Variants in AGRN observed in about 807,000 individuals in gnomAD.
AGRN encodes the protein agrin, also known as agrin proteoglycan.
AGRN carries 106 observed loss-of-function variants against 211.0 expected under a neutral mutation model. That is an observed-to-expected ratio of 0.50 (90% CI 0.43 to 0.59). AGRN has a LOEUF of 0.59. Among genes scored for constraint, AGRN ranks in the 20% least tolerant of loss-of-function variants. The probability of loss-of-function intolerance (pLI) is 0.00; values close to 1 mark genes in which losing one functional copy is unlikely to be tolerated. For missense variants in AGRN, 3,040 were observed against 2,982.6 expected (o/e 1.02, Z -0.45); for synonymous variants, 1,525 against 1,332.5 (o/e 1.14, Z -3.15).
Position 1,051,434 on chromosome 1 carries a change from C to A in AGRN, c.5371-19C>A. On this transcript the variant is annotated intron_variant, in intron 31 of 35. Transcript: ENST00000379370. ...GGGCGGGGTGGCAGGCGGGACAAGG[C>A]CCTCACCCTGCCCTGCAGGTCTCCC... 6.5e-7 allele frequency: 1 copy of A among 1,545,626 alleles called. No individual in the cohort carries two copies. The highest frequency in any genetic ancestry group is 8.7e-7 in the Non-Finnish European group (1 of 1,150,280).
intron 29 of AGRN, 25 bp from the exon 30 acceptor site, chr1:1,050,701 C>CA (rs751515418): frequency 3.1e-6 from 5 of 1,599,966 alleles, no homozygotes; most frequent in African/African-American, 1.3e-5. Flanking sequence ...GGACAGAGCC[C>CA]ACTCACGCTG....
intron 33 of AGRN, chr1:1,053,073 ACACATGCATGTGTGTAC>A (rs1645354591): frequency 1.4e-5 from 3 of 210,888 alleles, no homozygotes; most frequent in Admixed American, 5.4e-5. Flanking sequence ...GCGTGCATGC[ACACATGCATGTGTGTAC>A]TGGGGCATCC....
At position 1,047,900 on chromosome 1, in the gene AGRN, G is replaced by A. The variant is rs1645146905; in HGVS notation, c.3751+5G>A. On this transcript the variant is annotated splice_donor_5th_base_variant and intron_variant, in intron 22 of 35. Transcript: ENST00000379370. Reference sequence around the variant, plus strand: ...ACGTGCGATTTATGGACTTTGGTGAGCGCCAGGCCACGAGCCACAGCTTAC... The same window carrying A: ...ACGTGCGATTTATGGACTTTGGTGAACGCCAGGCCACGAGCCACAGCTTAC... 6.2e-7 allele frequency: 1 copy of A among 1,602,032 alleles called. No homozygotes were observed. Among genetic ancestry groups the A allele is most frequent in the South Asian group, 1.1e-5 (1 of 89,568 alleles).
At chr1:1,020,850 G>GGGA (rs975156049) in intron 1 of AGRN, among the ~76,000 whole-genome samples, 1 of 150,348 alleles carries the variant, frequency 6.7e-6, no homozygotes, top group Non-Finnish European at 1.5e-5. Flanking sequence ...AGTGGTGCGG[G>GGGA]GGGGGGGCGT....
rs1283292037 is a variant in AGRN, at chr1:1,049,018, C to T, written c.4257C>T (p.Asp1419=). 1.3e-6 allele frequency: 2 copies of T among 1,577,622 alleles called. No individual in the cohort carries two copies. The highest frequency in any genetic ancestry group is 1.7e-6 in the Non-Finnish European group (2 of 1,164,482). The stretch of plus-strand genomic sequence containing the variant: ...ACAATGGCAACGCCCGGGGCAAGGA[C>T]TTCCTGGCATTGGCGCTGCTAGATG... ...LLYNGNARGK[D]FLALALLDGR... is the part of the protein sequence containing the mutation. Residue 1419 remains aspartate (D), a synonymous_variant, in exon 24 of 36, where the codon GAC becomes GAT. Transcript: ENST00000379370.
In AGRN at chr1:1,050,825, G is replaced by T; in HGVS notation, c.5241G>T (p.Leu1747Phe). ...ALRVGDGPRV[L>F]GESPVPHTVL... is the part of the protein sequence containing the mutation. ...GTGTGGGCGACGGCCCCCGTGTGTTGGGGGAGTCCCCGGTGAGTGCTCTGG... is the reference window on the plus strand; with the variant it reads ...GTGTGGGCGACGGCCCCCGTGTGTTTGGGGAGTCCCCGGTGAGTGCTCTGG... Residue 1747 changes from leucine to phenylalanine, a missense_variant, in exon 30 of 36, where the codon TTG (leucine) becomes TTT (phenylalanine). Leu to Phe is a conservative substitution (Grantham distance 22). Around this residue, in one of 3 missense-constraint regions of AGRN, gnomAD observed 1,537 missense variants for 1,505.0 expected, o/e 1.02. Coordinates refer to ENST00000379370, the MANE Select transcript of AGRN (RefSeq NM_198576.4). 1 of 1,581,350 alleles carries T rather than the reference G, an allele frequency of 6.3e-7. No homozygotes were observed. The highest frequency in any genetic ancestry group is 1.3e-5 in the African/African-American group (1 of 74,592).
In AGRN at chr1:1,032,287, G is replaced by A. The variant is rs1197033376; in HGVS notation, c.464-2990G>A. ...GTAGAGATGTGGAGGCCTCCTGTCT[G>A]GGTGATGGGGCATGGTGCTGGTCCC... On this transcript the variant is annotated intron_variant, in intron 2 of 35. Coordinates refer to ENST00000379370, the MANE Select transcript of AGRN (RefSeq NM_198576.4). The surrounding 1 kb of genome is among the most constrained non-coding windows in gnomAD (Gnocchi z 4.7). 6.6e-6 allele frequency among the ~76,000 whole-genome samples: 1 copy of A among 152,188 alleles called. No homozygotes were observed. Among genetic ancestry groups the A allele is most frequent in the Non-Finnish European group, 1.5e-5 (1 of 68,028 alleles).
At chr1:1,049,201 G>C (rs556799309) in intron 24 of AGRN, 35 bp from the exon 25 acceptor site, 4 of 1,511,602 alleles carry the variant, frequency 2.6e-6, no homozygotes, top group South Asian at 1.3e-5. Flanking sequence ...GGACGGGGCC[G>C]GGCGATGGTC....
At position 1,047,880 on chromosome 1, in the gene AGRN, C is replaced by G. The variant is rs1319416801; in HGVS notation, c.3736C>G (p.Arg1246Gly). 1 of 1,605,316 alleles carries G rather than the reference C, an allele frequency of 6.2e-7. No homozygotes were observed. The highest frequency in any genetic ancestry group is 8.5e-7 in the Non-Finnish European group (1 of 1,177,026). ...GAGGCGGCCGCTGCAGGAGCACGTG[C>G]GATTTATGGACTTTGGTGAGCGCCA... is the stretch of plus-strand genomic sequence containing the variant. ...GVRRPLQEHV[R>G]FMDFDWFPAF... is the part of the protein sequence containing the mutation. Residue 1246 changes from arginine (R) to glycine (G), a missense_variant, in exon 22 of 36, where the codon CGA (arginine) becomes GGA (glycine). Arg to Gly is a moderately radical substitution (Grantham distance 125). Transcript: ENST00000379370.
chr1:1,040,937 G>A, intron 4 of AGRN, 57 bp downstream of exon 4: 1 of 1,271,602 alleles, frequency 7.9e-7, no homozygotes, highest in South Asian at 1.9e-5. Context: ...ATGAGATGGA[G>A]CGAGGCTGGG....
Position 1,048,595 on chromosome 1 carries a change from ACT to A in AGRN, c.4105+233_4105+234del, listed in dbSNP as rs1233127114. 8.5e-6 allele frequency: 5 copies of A among 589,038 alleles called. No individual in the cohort carries two copies. The highest frequency in any genetic ancestry group is 4.5e-5 in the South Asian group (2 of 44,686). The allele number at this position is 589,038 out of a possible 1,614,324, so 36.5% of individuals were successfully genotyped here. ...AGACCAGCCTGACCAACATGGAGAC[ACT>A]CTGTCTCTACTAAAAATACAAAATT... On this transcript the variant is annotated intron_variant, in intron 23 of 35. Transcript: ENST00000379370. The surrounding 1 kb of genome is among the most constrained non-coding windows in gnomAD (Gnocchi z 5.9).
intron 15 of AGRN, 23 bp from the exon 16 acceptor site, chr1:1,045,941 G>A (rs1445895214): frequency 6.2e-7 from 1 of 1,612,812 alleles, no homozygotes; most frequent in Admixed American, 1.7e-5. Flanking sequence ...GAGCCACAGA[G>A]GTTTCCCATG....
Position 1,046,027 on chromosome 1 carries a change from A to G in AGRN, c.2744A>G (p.Glu915Gly), listed in dbSNP as rs375560306. 5.0e-6 allele frequency: 8 copies of G among 1,613,810 alleles called. No homozygotes were observed. The African/African-American group carries it at 1.1e-4, about 22-fold the overall frequency. ...GAGTTCGGTGCGCGGTGCGTGGAGG[A>G]GTCTGGCTCAGCCCACTGTGTCTGC... The part of the protein sequence containing the change: ...RCEFGARCVE[E>G]SGSAHCVCPM... Residue 915 changes from glutamate (E) to glycine (G), a missense_variant, in exon 16 of 36, where the codon GAG becomes GGG. By Grantham distance (98) the Glu-to-Gly change is moderately conservative. Around this residue, in one of 3 missense-constraint regions of AGRN, gnomAD observed 1,498 missense variants for 1,457.8 expected, o/e 1.03. Transcript: ENST00000379370.
intron 22 of AGRN, 21 bp downstream of exon 22, chr1:1,047,916 C>A: frequency 6.2e-7 from 1 of 1,603,936 alleles, no homozygotes; most frequent in Non-Finnish European, 8.5e-7. Context: ...GGCCACGAGC[C>A]ACAGCTTACC....
Position 1,051,591 on chromosome 1 carries a change from GCTGC to G in AGRN, c.5512_5515del (p.Ala1838MetfsTer43). The G allele has an allele frequency of 6.2e-7, 1 of 1,603,306 alleles. No homozygotes were observed. Among genetic ancestry groups the G allele is most frequent in the Non-Finnish European group, 8.5e-7 (1 of 1,173,616 alleles). ...TGGGGCCTCCTGCGTCCCGAGGGAG[GCTGC>G]CTATGTGTGCCTGTGTCCCGGGGGA... On this transcript the variant is annotated frameshift_variant, in exon 32 of 36. Coordinates refer to ENST00000379370, the MANE Select transcript of AGRN (RefSeq NM_198576.4). LOFTEE classifies it high-confidence loss of function.
In AGRN at chr1:1,054,891, C is replaced by T. The variant is rs929573992; in HGVS notation, c.6048C>T (p.Cys2016=). The part of the protein sequence containing the change: ...PKAYGTGFVG[C]LRDVVVGRHP... ...CCTACGGCACAGGCTTTGTGGGCTG[C>T]TTGCGGGACGTGGTGGTGGGCCGGC... The change falls in exon 36 of 36, where the codon TGC becomes TGT. Residue 2016 remains cysteine (C), a synonymous_variant. Transcript: ENST00000379370. 3 of 1,552,494 alleles carry T rather than the reference C, an allele frequency of 1.9e-6. No homozygotes were observed. The highest frequency in any genetic ancestry group is 1.4e-5 in the African/African-American group (1 of 73,324).
chr1:1,051,619 G>C lies in AGRN; in HGVS notation c.5537G>C (p.Gly1846Ala). ...EAAYVCLCPG[G>A]FSGPHCEKGL... is the part of the protein sequence containing the mutation. ...GCCTATGTGTGCCTGTGTCCCGGGG[G>C]ATTCTCAGGACCGCACTGCGAGAAG... The change falls in exon 32 of 36, where the codon GGA becomes GCA. Residue 1846 changes from glycine (G) to alanine (A), a missense_variant. Transcript: ENST00000379370. 6.2e-7 allele frequency: 1 copy of C among 1,610,210 alleles called. No individual in the cohort carries two copies. Among genetic ancestry groups the C allele is most frequent in the Non-Finnish European group, 8.5e-7 (1 of 1,178,096 alleles).
intron 2 of AGRN, among the ~76,000 whole-genome samples, chr1:1,033,047 C>G (rs1234124285): frequency 6.6e-6 from 1 of 152,096 alleles, no homozygotes; most frequent in African/African-American, 2.4e-5. Flanking sequence ...CCCAGACCCC[C>G]ATTCCCCGCC....
rs376955547 is a variant in AGRN at position 1,029,939 on chromosome 1, ATG to A, written c.464-5325_464-5324del. ...GTGCATGGTGCTGTGTGAGATCAGCATGTGTGTGTGTGTGCAGCGCATGGTGC... is the reference window on the plus strand; with the variant it reads ...GTGCATGGTGCTGTGTGAGATCAGCATGTGTGTGTGTGCAGCGCATGGTGC... On this transcript the variant is annotated intron_variant, in intron 2 of 35. Coordinates refer to ENST00000379370, the MANE Select transcript of AGRN (RefSeq NM_198576.4). 1.7e-4 allele frequency among the ~76,000 whole-genome samples: 8 copies of A among 46,528 alleles called. 1 individual carries two copies. The highest frequency in any genetic ancestry group is 3.9e-4 in the African/African-American group (5 of 12,874). 30.5% of individuals were successfully genotyped at this position (46,528 alleles called of 152,430 possible).
Sources: allele counts gnomAD v4.1 joint callset (sites outside exome capture counted in the v4.1 genomes callset), GRCh38; gene constraint gnomAD v4.1.1; regional missense constraint gnomAD v4.1.1; non-coding constraint Gnocchi (gnomAD v3.1); transcripts MANE v1.5; gene names NCBI Gene and HGNC (gene_info 2026-07-23, HGNC 2026-07-21).